Variants in CYP19A1 observed in about 807,000 individuals in gnomAD.
CYP19A1 encodes the protein aromatase.
CYP19A1 carries 32 observed loss-of-function variants against 44.4 expected under a neutral mutation model. The observed-to-expected ratio is 0.72, with a 90% CI of 0.54 to 0.97. The LOEUF (loss-of-function observed/expected upper bound fraction) is 0.97. Ranked by LOEUF, CYP19A1 falls within the 50% of genes least tolerant of loss-of-function variation. CYP19A1 has a pLI of 0.00. For synonymous variants in CYP19A1, 212 were observed against 215.6 expected (o/e 0.98, Z 0.14); for missense variants, 598 against 637.8 (o/e 0.94, Z 0.67).
In CYP19A1 at chr15:51,210,235, C is replaced by T. The variant is rs551890784; in HGVS notation, c.*573G>A. 9.7e-6 allele frequency: 4 copies of T among 411,096 alleles called. No individual in the cohort carries two copies. The highest frequency in any genetic ancestry group is 7.0e-5 in the East Asian group (1 of 14,328). The allele number at this position is 411,096 out of a possible 1,614,324, so 25.5% of individuals were successfully genotyped here. A position where few individuals can be genotyped will look rare whatever the true frequency, so the allele number is the denominator to read the frequency against. ...CACAGACAGATCATATGTAGACAAA[C>T]AGGAATTAATTGGGCTTAATTCACA... On this transcript the variant is annotated 3_prime_UTR_variant, in exon 10 of 10. Coordinates refer to ENST00000396402, the MANE Select transcript of CYP19A1 (RefSeq NM_000103.4).
intron 1 of CYP19A1, among the ~76,000 whole-genome samples, chr15:51,275,273 T>C (rs553754754): frequency 6.6e-6 from 1 of 152,350 alleles, no homozygotes; most frequent in Admixed American, 6.5e-5. Flanking sequence ...CTCTGGCTCA[T>C]AGCCAATGGC....
chr15:51,290,711 G>A (rs371150619), intron 1 of CYP19A1, among the ~76,000 whole-genome samples: 25 of 152,342 alleles, frequency 1.6e-4, no homozygotes, highest in African/African-American at 3.6e-4. Flanking sequence ...CAGAATTAAC[G>A]TAGAAGCCCA....
Position 51,210,096 on chromosome 15 carries a change from T to C in CYP19A1, c.*712A>G. ...ATTAGTTTGTATTACTTGATGATTATATATAGTTTGTATTACCTGAATCTA... is the reference window on the plus strand; with the variant it reads ...ATTAGTTTGTATTACTTGATGATTACATATAGTTTGTATTACCTGAATCTA... On this transcript the variant is annotated 3_prime_UTR_variant, in exon 10 of 10. Transcript: ENST00000396402. 3.2e-6 allele frequency: 1 copy of C among 310,890 alleles called. No individual in the cohort carries two copies. The highest frequency in any genetic ancestry group is 2.8e-5 in the South Asian group (1 of 36,014). 19.3% of individuals were successfully genotyped at this position (310,890 alleles called of 1,614,324 possible).
chr15:51,244,172 A>G (rs2033945013), intron 1 of CYP19A1, among the ~76,000 whole-genome samples: 1 of 152,234 alleles, frequency 6.6e-6, no homozygotes, highest in Non-Finnish European at 1.5e-5. Flanking sequence ...AAATATTGTA[A>G]TCGGCACATT....
At chr15:51,311,233 C>G (rs1485996710) in intron 1 of CYP19A1, among the ~76,000 whole-genome samples, 1 of 151,526 alleles carries the variant, frequency 6.6e-6, no homozygotes, top group Non-Finnish European at 1.5e-5. Context: ...AATGCTCTTA[C>G]AATGAATGGA....
At position 51,242,916 on chromosome 15, in the gene CYP19A1, G is replaced by C. The variant is rs1169654315; in HGVS notation, c.-4C>G. The C allele has an allele frequency of 1.2e-6, 2 of 1,607,620 alleles. No homozygotes were observed. Among genetic ancestry groups the C allele is most frequent in the Admixed American group, 3.3e-5 (2 of 60,006 alleles). ...GGTTCAGCATTTCCAAAACCATCTT[G>C]TGTTCCTTGACCTCAGAGGGGGCAA... On this transcript the variant is annotated 5_prime_UTR_variant, in exon 2 of 10. Coordinates refer to ENST00000396402, the MANE Select transcript of CYP19A1 (RefSeq NM_000103.4).
At chr15:51,302,742 C>T (rs998493370) in intron 1 of CYP19A1, among the ~76,000 whole-genome samples, 3 of 152,218 alleles carry the variant, frequency 2.0e-5, no homozygotes, top group Non-Finnish European at 2.9e-5. Context: ...AACGCGACCT[C>T]CTCTGGCAGG....
At chr15:51,223,527 T>A (rs1343099873) in intron 4 of CYP19A1, among the ~76,000 whole-genome samples, 2 of 151,834 alleles carry the variant, frequency 1.3e-5, no homozygotes, top group African/African-American at 2.4e-5. Flanking sequence ...GGAAACTTTG[T>A]AGACGTAACT....
intron 1 of CYP19A1, among the ~76,000 whole-genome samples, chr15:51,278,521 TGAA>T (rs1229248455): frequency 6.6e-6 from 1 of 152,184 alleles, no homozygotes; most frequent in Admixed American, 6.5e-5. Context: ...GGGTGGAGTA[TGAA>T]GATGTGGGAA....
chr15:51,305,972 C>T (rs781772661), intron 1 of CYP19A1, among the ~76,000 whole-genome samples: 7 of 152,036 alleles, frequency 4.6e-5, no homozygotes, highest in African/African-American at 7.3e-5. Flanking sequence ...ACATCTGGGG[C>T]GCTATGAGAA....
intron 1 of CYP19A1, among the ~76,000 whole-genome samples, chr15:51,271,535 C>G (rs1199336152): frequency 6.6e-6 from 1 of 152,206 alleles, no homozygotes; most frequent in Non-Finnish European, 1.5e-5. Context: ...GGACAATTTA[C>G]AAGATCTAAA....
intron 1 of CYP19A1, among the ~76,000 whole-genome samples, chr15:51,262,403 C>G (rs2034762051): frequency 6.6e-6 from 1 of 152,144 alleles, no homozygotes; most frequent in Admixed American, 6.5e-5. Context: ...CTCTAGCGCA[C>G]TGGGTTAGGG....
intron 1 of CYP19A1, among the ~76,000 whole-genome samples, chr15:51,326,230 T>A (rs1322373990): frequency 6.6e-6 from 1 of 152,192 alleles, no homozygotes; most frequent in African/African-American, 2.4e-5. Flanking sequence ...AGTAAAGATT[T>A]TTCTTACTGA....
At chr15:51,272,100 A>G (rs1342489683) in intron 1 of CYP19A1, among the ~76,000 whole-genome samples, 2 of 152,204 alleles carry the variant, frequency 1.3e-5, no homozygotes, top group Non-Finnish European at 2.9e-5. Context: ...GCACTCTCTC[A>G]TCCATGCTTG....
In CYP19A1 at chr15:51,233,791, A is replaced by C. The variant is rs544538189; in HGVS notation, c.296+3068T>G. Among the ~76,000 whole-genome samples, 66 of 152,342 alleles carry C rather than the reference A, an allele frequency of 4.3e-4. 2 individuals carry two copies. The highest frequency in any genetic ancestry group is 1.5e-3 in the African/African-American group (64 of 41,576). ...TCATGACAAAAACTAATCTAGGGACATATAATGGACATATAGTGTCATACG... is the reference window on the plus strand; with the variant it reads ...TCATGACAAAAACTAATCTAGGGACCTATAATGGACATATAGTGTCATACG... On this transcript the variant is annotated intron_variant, in intron 3 of 9. Transcript: ENST00000396402.
rs1457864955 is a variant in CYP19A1, at chr15:51,215,769, G to A, written c.792C>T (p.Arg264=). ...CCAGTTTCTCTTCTGTGGAAATCCTGCGTCTTTTTTCTGCTATCAGAACTT... is the reference window on the plus strand; with the variant it reads ...CCAGTTTCTCTTCTGTGGAAATCCTACGTCTTTTTTCTGCTATCAGAACTT... The part of the protein sequence containing the change: ...AIEVLIAEKR[R]RISTEEKLEE... Residue 264 remains arginine (R), a synonymous_variant, in exon 7 of 10, where the codon CGC becomes CGT. Transcript: ENST00000396402. The A allele has an allele frequency of 1.2e-6, 2 of 1,613,824 alleles. No individual in the cohort carries two copies. Among genetic ancestry groups the A allele is most frequent in the African/African-American group, 1.3e-5 (1 of 74,878 alleles).
At chr15:51,235,084 C>A (rs1332809291) in intron 3 of CYP19A1, among the ~76,000 whole-genome samples, 1 of 152,146 alleles carries the variant, frequency 6.6e-6, no homozygotes, top group African/African-American at 2.4e-5. Context: ...ACCCAAACAC[C>A]AGTGCTTCCA....
chr15:51,294,940 G>A (rs1297098995), intron 1 of CYP19A1, among the ~76,000 whole-genome samples: 1 of 151,668 alleles, frequency 6.6e-6, no homozygotes, highest in Non-Finnish European at 1.5e-5. Flanking sequence ...TGTAGAAAGA[G>A]GTAGACATGG....
At chr15:51,309,578 T>C (rs1178199587) in intron 1 of CYP19A1, among the ~76,000 whole-genome samples, 1 of 152,222 alleles carries the variant, frequency 6.6e-6, no homozygotes. Context: ...CTATGTTTAG[T>C]AGGCAAGAAG....
Sources: allele counts gnomAD v4.1 joint callset (sites outside exome capture counted in the v4.1 genomes callset), GRCh38; gene constraint gnomAD v4.1.1; transcripts MANE v1.5; gene names NCBI Gene and HGNC (gene_info 2026-07-23, HGNC 2026-07-21).